Variants in ARHGEF28 observed in about 807,000 individuals in gnomAD.
ARHGEF28 encodes 190 kDa guanine nucleotide exchange factor.
Under a neutral mutation model 206.6 loss-of-function variants are expected in ARHGEF28, and 152 were observed. That is an observed-to-expected ratio of 0.74 (90% confidence interval 0.64 to 0.84). The LOEUF (loss-of-function observed/expected upper bound fraction) is 0.84. Ranked by LOEUF, ARHGEF28 falls within the 40% of genes least tolerant of loss-of-function variation. ARHGEF28 has a pLI of 0.00. For synonymous variants in ARHGEF28, 763 were observed against 776.4 expected (o/e 0.98, Z 0.29); for missense variants, 2,028 against 2,073.2 (o/e 0.98, Z 0.42).
intron 5 of ARHGEF28, 29 bp from the exon 6 acceptor site, chr5:73,776,487 T>A: frequency 6.3e-7 from 1 of 1,591,028 alleles, no homozygotes; most frequent in Middle Eastern, 1.7e-4. Flanking sequence ...TTTGAAGCTC[T>A]GTGTGGGTTT....
At chr5:73,798,355 A>G (rs1754945845) in intron 9 of ARHGEF28, among the ~76,000 whole-genome samples, 1 of 152,140 alleles carries the variant, frequency 6.6e-6, no homozygotes, top group Middle Eastern at 3.4e-3. Context: ...CATCCTTTGT[A>G]ATGTTTTATT....
rs769943230 is a variant in ARHGEF28, at chr5:73,753,166, C to T, written c.439C>T (p.Leu147=). 33 of 1,539,200 alleles carry T rather than the reference C, an allele frequency of 2.1e-5. No homozygotes were observed. The highest frequency in any genetic ancestry group is 1.8e-4 in the Middle Eastern group (1 of 5,630). The change falls in exon 4 of 36, where the codon CTA becomes TTA. Residue 147 remains leucine, a synonymous_variant. Transcript: ENST00000513042. ...VLALTHLELP[L]EWTVLGSSSL... is the part of the protein sequence containing the mutation. ...GGCTCTGACCCATCTGGAATTGCCT[C>T]TAGAGTGGACTGTGTTGGGAAGTTC...
At chr5:73,783,376 G>A (rs757659427) in intron 7 of ARHGEF28, among the ~76,000 whole-genome samples, 3,394 of 134,696 alleles carry the variant, frequency 0.025, 48 homozygotes, top group South Asian at 0.039. Context: ...GTGTGTGTGT[G>A]TGTGTGTGTA....
chr5:73,923,359 T>G (rs763400833), intron 35 of ARHGEF28, among the ~76,000 whole-genome samples: 1 of 152,186 alleles, frequency 6.6e-6, no homozygotes, highest in Non-Finnish European at 1.5e-5. Flanking sequence ...TCCGTTACCT[T>G]CATGAATATG....
At chr5:73,717,824 C>G (rs1216143336) in intron 2 of ARHGEF28, among the ~76,000 whole-genome samples, 1 of 152,078 alleles carries the variant, frequency 6.6e-6, no homozygotes, top group African/African-American at 2.4e-5. Context: ...TGCTGTTGGA[C>G]ATGGAAATGA....
At chr5:73,729,846 C>T (rs1201178888) in intron 2 of ARHGEF28, among the ~76,000 whole-genome samples, 1 of 152,178 alleles carries the variant, frequency 6.6e-6, no homozygotes, top group African/African-American at 2.4e-5. Context: ...GAACCAGTTA[C>T]ACACTAACTA....
chr5:73,786,342 C>T (rs761382576), intron 7 of ARHGEF28: 7 of 152,184 alleles, frequency 4.6e-5, no homozygotes, highest in Admixed American at 6.5e-5. Context: ...TGGCCCAAGC[C>T]GTCAGAACTC....
rs188040167 is a variant in ARHGEF28 at position 73,901,264 on chromosome 5, G to A, written c.4054G>A (p.Val1352Ile). 6,326 of 1,612,966 alleles carry A rather than the reference G, an allele frequency of 3.9e-3. 13 individuals are homozygous for A. The highest frequency in any genetic ancestry group is 4.5e-3 in the Non-Finnish European group (5,352 of 1,179,424). Residue 1352 changes from valine (V) to isoleucine (I), a missense_variant, in exon 31 of 36, where the codon GTC (valine) becomes ATC (isoleucine). Val to Ile is a conservative substitution (Grantham distance 29, BLOSUM62 3). Transcript: ENST00000513042. ...CCAGGGTGTGGTAACCGACTTGGCC[G>A]TCTCTGATGCAGGGGAGAAGGTATT... Reference protein sequence around the residue: ...GIQGVVTDLAVSDAGEKVECR... With the variant: ...GIQGVVTDLAISDAGEKVECR...
intron 4 of ARHGEF28, among the ~76,000 whole-genome samples, chr5:73,768,971 GT>G (rs1753064688): frequency 6.6e-6 from 1 of 152,028 alleles, no homozygotes; most frequent in Non-Finnish European, 1.5e-5. Context: ...CAAGATGGGA[GT>G]TTCCCTGCAC....
In ARHGEF28 at chr5:73,717,806, T is replaced by C. The variant is rs1429946272; in HGVS notation, c.34-32031T>C. ...ATTATTGTATCAATCAGAGCAATAA[T>C]GAACTGTTGCTGTTGGACATGGAAA... On this transcript the variant is annotated intron_variant, in intron 2 of 35. Coordinates refer to ENST00000513042, the MANE Select transcript of ARHGEF28 (RefSeq NM_001177693.2). Among the ~76,000 whole-genome samples, 4 of 152,130 alleles carry C rather than the reference T, an allele frequency of 2.6e-5. No individual in the cohort carries two copies. The South Asian group carries it at 6.2e-4, about 24-fold the overall frequency.
In ARHGEF28 at chr5:73,892,195, T is replaced by C. The variant is rs1392597760; in HGVS notation, c.3531T>C (p.Asn1177=). 1 of 1,573,888 alleles carries C rather than the reference T, an allele frequency of 6.4e-7. No homozygotes were observed. The highest frequency in any genetic ancestry group is 8.6e-7 in the Non-Finnish European group (1 of 1,158,076). ...EIHTNSKEER[N]NWMRRIQQAV... ...ACACCAATTCCAAGGAGGAACGCAA[T>C]AACTGGATGAGACGGATCCAGCAGG... Residue 1177 remains asparagine (N), a synonymous_variant, in exon 27 of 36, where the codon AAT becomes AAC. Transcript: ENST00000513042.
chr5:73,800,026 A>G (rs1755042515), intron 9 of ARHGEF28, among the ~76,000 whole-genome samples: 1 of 152,210 alleles, frequency 6.6e-6, no homozygotes, highest in African/African-American at 2.4e-5. Context: ...TTAGTCTTCT[A>G]TAATTATAGA....
At position 73,716,874 on chromosome 5, in the gene ARHGEF28, A is replaced by G. The variant is rs548683719; in HGVS notation, c.33+31990A>G. ...GATTCTAAGGATTTGTGACTATTATAAAGTTCATGTTTAGCATGTAAGTCT... is the reference window on the plus strand; with the variant it reads ...GATTCTAAGGATTTGTGACTATTATGAAGTTCATGTTTAGCATGTAAGTCT... On this transcript the variant is annotated intron_variant, in intron 2 of 35. Coordinates refer to ENST00000513042, the MANE Select transcript of ARHGEF28 (RefSeq NM_001177693.2). 2.8e-4 allele frequency among the ~76,000 whole-genome samples: 43 copies of G among 152,240 alleles called. 1 individual carries two copies. The highest frequency in any genetic ancestry group is 1.0e-3 in the African/African-American group (42 of 41,560).
At chr5:73,768,424 C>G (rs1753032730) in intron 4 of ARHGEF28, among the ~76,000 whole-genome samples, 1 of 152,186 alleles carries the variant, frequency 6.6e-6, no homozygotes, top group South Asian at 2.1e-4. Context: ...CCATGGGAAA[C>G]CACCTCTTGC....
At chr5:73,747,949 G>A (rs543484217) in intron 2 of ARHGEF28, among the ~76,000 whole-genome samples, 6 of 152,244 alleles carry the variant, frequency 3.9e-5, no homozygotes, top group Admixed American at 1.3e-4. Flanking sequence ...TAATATGATC[G>A]TTGTTTTGAA....
chr5:73,776,732 T>TTCTCTGAA, intron 6 of ARHGEF28, 36 bp downstream of exon 6: 1 of 1,547,060 alleles, frequency 6.5e-7, no homozygotes. Flanking sequence ...TGATAATGCA[T>TTCTCTGAA]GCTTCAGAGA....
chr5:73,741,385 GTA>G (rs67973637), intron 2 of ARHGEF28, among the ~76,000 whole-genome samples: 18 of 21,814 alleles, frequency 8.3e-4, no homozygotes, highest in South Asian at 3.3e-3. Flanking sequence ...GTGTGTGTGT[GTA>G]TATATATATA....
intron 29 of ARHGEF28, among the ~76,000 whole-genome samples, chr5:73,895,082 G>A (rs181766695): frequency 1.4e-3 from 213 of 152,308 alleles, no homozygotes; most frequent in African/African-American, 4.6e-3. Flanking sequence ...GTTGCATGGC[G>A]GGAGAGAAGG....
chr5:73,794,614 T>C (rs920554783), intron 8 of ARHGEF28, among the ~76,000 whole-genome samples, 160 bp downstream of exon 8: 1 of 150,942 alleles, frequency 6.6e-6, no homozygotes, highest in African/African-American at 2.4e-5. Flanking sequence ...CTTTCTTTTT[T>C]TTTTTTTTTT....
Sources: allele counts gnomAD v4.1 joint callset (sites outside exome capture counted in the v4.1 genomes callset), GRCh38; gene constraint gnomAD v4.1.1; transcripts MANE v1.5; gene names NCBI Gene and HGNC (gene_info 2026-07-23, HGNC 2026-07-21).